Variants in RELN observed in about 807,000 individuals in gnomAD.
RELN encodes reelin.
RELN carries 108 observed loss-of-function variants against 427.6 expected under a neutral mutation model. That is an observed-to-expected ratio of 0.25 (90% CI 0.22 to 0.30). The LOEUF is 0.30. RELN is among the 10% of genes least tolerant of loss of function. RELN has a pLI of 1.00. For missense variants in RELN, 3,715 were observed against 4,302.8 expected (o/e 0.86, Z 3.82); for synonymous variants, 1,524 against 1,513.4 (o/e 1.01, Z -0.16).
At chr7:103,731,608 T>C (rs900189867) in intron 6 of RELN, among the ~76,000 whole-genome samples, 1 of 152,116 alleles carries the variant, frequency 6.6e-6, no homozygotes, top group Non-Finnish European at 1.5e-5. Context: ...AATTATTTTG[T>C]TTCCAAAGTC....
At chr7:103,586,843 C>G (rs1831284670) in intron 28 of RELN, among the ~76,000 whole-genome samples, 1 of 151,658 alleles carries the variant, frequency 6.6e-6, no homozygotes. Flanking sequence ...ATCATCTCTA[C>G]AAGGAAAACT....
chr7:103,728,943 T>C (rs1445847852), intron 6 of RELN, among the ~76,000 whole-genome samples: 3 of 152,286 alleles, frequency 2.0e-5, no homozygotes, highest in East Asian at 3.9e-4. Context: ...CTTTATACTA[T>C]AAAACGAAGT....
intron 1 of RELN, among the ~76,000 whole-genome samples, chr7:103,954,722 T>C (rs563381654): frequency 4.6e-5 from 7 of 152,340 alleles, no homozygotes; most frequent in Non-Finnish European, 7.3e-5. Context: ...AATTAGGTTA[T>C]CAAAGTGCTT....
rs76746265 is a variant in RELN at position 103,769,595 on chromosome 7, G to A, written c.544+6962C>T. Among the ~76,000 whole-genome samples the A allele has an allele frequency of 7.7e-3, 1,166 of 152,234 alleles. 12 individuals are homozygous for A. Among genetic ancestry groups the A allele is most frequent in the African/African-American group, 0.026 (1,080 of 41,532 alleles). On this transcript the variant is annotated intron_variant, in intron 4 of 64. Coordinates refer to ENST00000428762, the MANE Select transcript of RELN (RefSeq NM_005045.4). Reference sequence around the variant, plus strand: ...TTCTGTATGATTTCAAAGCCCTCGTGAAGCCTAAAATCCAAAAGTAAATCA... The same window carrying A: ...TTCTGTATGATTTCAAAGCCCTCGTAAAGCCTAAAATCCAAAAGTAAATCA...
intron 28 of RELN, among the ~76,000 whole-genome samples, chr7:103,581,564 G>A (rs1051480477): frequency 2.0e-5 from 3 of 151,956 alleles, no homozygotes; most frequent in African/African-American, 7.3e-5. Flanking sequence ...GAATTACTGG[G>A]GCTAAAACAG....
chr7:103,964,957 T>A (rs1796632971), intron 1 of RELN, among the ~76,000 whole-genome samples: 1 of 152,182 alleles, frequency 6.6e-6, no homozygotes, highest in Admixed American at 6.5e-5. Flanking sequence ...TGTTTTGTGC[T>A]CTCTAAAATA....
chr7:103,826,203 C>A (rs537143570), intron 3 of RELN, among the ~76,000 whole-genome samples: 69 of 152,078 alleles, frequency 4.5e-4, no homozygotes, highest in African/African-American at 1.6e-3. Flanking sequence ...TCATCAGATG[C>A]AGCCCCTTAA....
At chr7:103,780,871 A>G (rs191324135) in intron 3 of RELN, among the ~76,000 whole-genome samples, 3 of 152,230 alleles carry the variant, frequency 2.0e-5, no homozygotes, top group East Asian at 3.9e-4. Flanking sequence ...ATTTCTTCCA[A>G]TGAAGACCCC....
chr7:103,653,306 A>T (rs559958474), intron 13 of RELN, among the ~76,000 whole-genome samples: 1 of 152,230 alleles, frequency 6.6e-6, no homozygotes, highest in Admixed American at 6.5e-5. Context: ...ATCGTCTTTT[A>T]TGAAATCCCA....
chr7:103,702,098 A>T (rs1834105302), intron 8 of RELN, among the ~76,000 whole-genome samples: 1 of 152,262 alleles, frequency 6.6e-6, no homozygotes, highest in Non-Finnish European at 1.5e-5. Flanking sequence ...CATGAAAGAA[A>T]AGGATATTCA....
intron 50 of RELN, chr7:103,514,142 C>T (rs1427919128): frequency 6.6e-6 from 1 of 152,058 alleles, no homozygotes; most frequent in Non-Finnish European, 1.5e-5. Flanking sequence ...GACAGAGTTC[C>T]ACTGTCTGAA....
intron 11 of RELN, among the ~76,000 whole-genome samples, chr7:103,674,563 T>C (rs1478309456): frequency 6.6e-6 from 1 of 152,160 alleles, no homozygotes; most frequent in African/African-American, 2.4e-5. Flanking sequence ...CACAGTGCCC[T>C]GCTTCTCCAT....
intron 20 of RELN, 50 bp from the exon 21 acceptor site, chr7:103,611,853 G>C: frequency 6.8e-7 from 1 of 1,473,634 alleles, no homozygotes; most frequent in South Asian, 1.1e-5. Context: ...CAATGTATTA[G>C]AGAAAAATTA....
chr7:103,517,864 T>C (rs1162108766), intron 49 of RELN, among the ~76,000 whole-genome samples: 1 of 152,240 alleles, frequency 6.6e-6, no homozygotes, highest in South Asian at 2.1e-4. Flanking sequence ...AGACAGCATG[T>C]CCAGCCTTCC....
chr7:103,814,497 A>AC (rs1350995062), intron 3 of RELN, among the ~76,000 whole-genome samples: 7 of 152,236 alleles, frequency 4.6e-5, no homozygotes, highest in Non-Finnish European at 8.8e-5. Context: ...ATATAAGGTC[A>AC]TGGTTCATAT....
chr7:103,529,918 C>T (rs987431335), intron 46 of RELN, among the ~76,000 whole-genome samples: 2 of 152,266 alleles, frequency 1.3e-5, no homozygotes, highest in Middle Eastern at 3.4e-3. Context: ...TTAATCTCCT[C>T]TCATCTGGCT....
At chr7:103,680,566 C>T (rs1432745997) in intron 11 of RELN, among the ~76,000 whole-genome samples, 3 of 151,748 alleles carry the variant, frequency 2.0e-5, no homozygotes, top group Non-Finnish European at 4.4e-5. Flanking sequence ...CCTTTATCTC[C>T]AGAAGATAGG....
chr7:103,907,860 T>C (rs1795251208), intron 2 of RELN, among the ~76,000 whole-genome samples: 1 of 152,014 alleles, frequency 6.6e-6, no homozygotes, highest in South Asian at 2.1e-4. Flanking sequence ...TAGGTATATG[T>C]GTGCCATGGT....
intron 2 of RELN, among the ~76,000 whole-genome samples, chr7:103,869,192 T>C (rs1336730074): frequency 6.6e-6 from 1 of 152,084 alleles, no homozygotes; most frequent in Non-Finnish European, 1.5e-5. Flanking sequence ...TGAAGAAGGA[T>C]GTGTACAGGG....
Sources: allele counts gnomAD v4.1 joint callset (sites outside exome capture counted in the v4.1 genomes callset), GRCh38; gene constraint gnomAD v4.1.1; transcripts MANE v1.5; gene names NCBI Gene and HGNC (gene_info 2026-07-23, HGNC 2026-07-21).